Variants in RASGRP3 observed in about 807,000 individuals in gnomAD.
RASGRP3 encodes RAS guanyl releasing protein 3, also known as ras guanyl-releasing protein 3.
A neutral mutation model predicts 82.7 loss-of-function variants in RASGRP3; 54 were observed. That is an observed-to-expected ratio of 0.65 (90% CI 0.52 to 0.82). The LOEUF is 0.82. Ranked by LOEUF, RASGRP3 falls within the 40% of genes least tolerant of loss-of-function variation. RASGRP3 has a pLI of 0.00. For missense variants in RASGRP3, 861 were observed against 828.9 expected (o/e 1.04, Z -0.48); for synonymous variants, 309 against 300.5 (o/e 1.03, Z -0.29).
At position 33,560,055 on chromosome 2, in the gene RASGRP3, G is replaced by T. The variant is rs557793538; in HGVS notation, c.2064+1025G>T. On this transcript the variant is annotated intron_variant, in intron 17 of 17. Coordinates refer to ENST00000403687, the MANE Select transcript of RASGRP3 (RefSeq NM_001139488.2). ...TCTATAACATCCACTTTTAAAAACA[G>T]CTTTGAGATGTAATTCATATGCCAT... 3.9e-5 allele frequency among the ~76,000 whole-genome samples: 6 copies of T among 152,288 alleles called. No homozygotes were observed. The East Asian group carries it at 1.2e-3, about 29-fold the overall frequency.
chr2:33,492,818 A>G (rs1668970002), intron 1 of RASGRP3, among the ~76,000 whole-genome samples: 1 of 152,176 alleles, frequency 6.6e-6, no homozygotes. Flanking sequence ...CCCGTAATGT[A>G]GCTGTGCTCA....
At chr2:33,534,223 G>C (rs1286387656) in intron 10 of RASGRP3, 100 bp from the exon 11 acceptor site, 2 of 745,010 alleles carry the variant, frequency 2.7e-6, no homozygotes, top group Admixed American at 4.5e-5. Context: ...CAAATTATTA[G>C]ACAGTGAACT....
At chr2:33,533,062 A>T (rs1467730160) in intron 10 of RASGRP3, 1 of 152,206 alleles carries the variant, frequency 6.6e-6, no homozygotes, top group Admixed American at 6.5e-5. Flanking sequence ...AAAACTTTTC[A>T]TTCCTACATG....
chr2:33,440,985 A>G (rs1574210320), intron 1 of RASGRP3, among the ~76,000 whole-genome samples: 1 of 152,082 alleles, frequency 6.6e-6, no homozygotes, highest in Non-Finnish European at 1.5e-5. Context: ...CTCCACCTCC[A>G]GGGCTCAAGT....
chr2:33,548,381 A>AAAAAAAAAAAAAAG (rs764069871), intron 13 of RASGRP3, among the ~76,000 whole-genome samples: 1 of 127,958 alleles, frequency 7.8e-6, no homozygotes, highest in Non-Finnish European at 1.6e-5. Context: ...AAAAAAAAAA[A>AAAAAAAAAAAAAAG]AAGAAGGTAG....
intron 10 of RASGRP3, among the ~76,000 whole-genome samples, chr2:33,531,189 A>T (rs1673077954): frequency 6.6e-6 from 1 of 152,244 alleles, no homozygotes; most frequent in Admixed American, 6.5e-5. Flanking sequence ...TGAATCTGCA[A>T]CCAACTTTGC....
At chr2:33,558,054 C>T (rs1676203474) in intron 15 of RASGRP3, among the ~76,000 whole-genome samples, 157 bp from the exon 16 acceptor site, 1 of 152,036 alleles carries the variant, frequency 6.6e-6, no homozygotes, top group Admixed American at 6.6e-5. Context: ...GGCCTCTTTC[C>T]AGATCCTAGA....
chr2:33,530,833 G>A (rs1300948339), intron 10 of RASGRP3: 1 of 119,038 alleles, frequency 8.4e-6, no homozygotes, highest in Non-Finnish European at 1.7e-5. Context: ...CCACCAAACT[G>A]TTGGGATTTG....
chr2:33,471,250 A>C (rs1667043769), intron 2 of RASGRP3, among the ~76,000 whole-genome samples: 1 of 151,590 alleles, frequency 6.6e-6, no homozygotes, highest in African/African-American at 2.4e-5. Flanking sequence ...ATCATACCTT[A>C]CTGCAGCTTT....
At chr2:33,476,647 G>A (rs914694089), upstream of RASGRP3, 1 of 152,170 alleles carries the variant, frequency 6.6e-6, no homozygotes, top group African/African-American at 2.4e-5. Context: ...GCGTGCTCCG[G>A]CACTTGGCAG....
At chr2:33,547,342 C>CTTTTTTTTTTTTTTTTTTTT (rs59601670) in intron 13 of RASGRP3, among the ~76,000 whole-genome samples, 1 of 68,208 alleles carries the variant, frequency 1.5e-5, no homozygotes, top group African/African-American at 5.8e-5. Context: ...ATATAGAATC[C>CTTTTTTTTTTTTTTTTTTTT]TTTTTTTTTT....
At chr2:33,550,857 T>A (rs1675289886) in intron 14 of RASGRP3, among the ~76,000 whole-genome samples, 1 of 152,110 alleles carries the variant, frequency 6.6e-6, no homozygotes, top group Non-Finnish European at 1.5e-5. Context: ...AATGGGTAAA[T>A]AAGAGGCAGC....
chr2:33,466,200 A>C (rs1666684828), intron 2 of RASGRP3, among the ~76,000 whole-genome samples: 1 of 152,224 alleles, frequency 6.6e-6, no homozygotes, highest in Non-Finnish European at 1.5e-5. Flanking sequence ...GATTCATCTG[A>C]TGGATGTGAC....
intron 2 of RASGRP3, among the ~76,000 whole-genome samples, chr2:33,470,222 TAA>T (rs1281340546): frequency 6.6e-6 from 1 of 152,172 alleles, no homozygotes; most frequent in Non-Finnish European, 1.5e-5. Flanking sequence ...TTTACAATGT[TAA>T]GTTTTCCAGT....
In RASGRP3 at chr2:33,506,937, T is replaced by C. The variant is rs182715745; in HGVS notation, c.-260-4773T>C. On this transcript the variant is annotated intron_variant, in intron 1 of 17. Transcript: ENST00000403687. The stretch of plus-strand genomic sequence containing the variant: ...TTTGTGATAGAAACAAGTTTGACAG[T>C]GATGACAGTATGACTTTGGTGGAGC... 2.7e-3 allele frequency among the ~76,000 whole-genome samples: 416 copies of C among 152,232 alleles called. 2 individuals are homozygous for C. The highest frequency in any genetic ancestry group is 0.014 in the South Asian group (67 of 4,816).
chr2:33,503,650 C>T (rs1670085958), intron 1 of RASGRP3, among the ~76,000 whole-genome samples: 2 of 151,996 alleles, frequency 1.3e-5, no homozygotes, highest in Admixed American at 6.6e-5. Flanking sequence ...AGTCTAGCTC[C>T]AAATCCCTGA....
chr2:33,472,313 C>G (rs1417544355), upstream of RASGRP3, among the ~76,000 whole-genome samples: 1 of 152,160 alleles, frequency 6.6e-6, no homozygotes, highest in Non-Finnish European at 1.5e-5. Context: ...GCGAAATGTA[C>G]AAAAGCAGCA....
At chr2:33,457,236 T>G (rs1666089786) in intron 2 of RASGRP3, among the ~76,000 whole-genome samples, 1 of 152,194 alleles carries the variant, frequency 6.6e-6, no homozygotes, top group African/African-American at 2.4e-5. Context: ...TTTTTAATTA[T>G]AGACATAATC....
At chr2:33,464,409 C>T (rs1355187584) in intron 2 of RASGRP3, among the ~76,000 whole-genome samples, 3 of 150,770 alleles carry the variant, frequency 2.0e-5, no homozygotes, top group Non-Finnish European at 2.9e-5. Context: ...TGTGAACCAC[C>T]GTGCCTGGTC....
Sources: allele counts gnomAD v4.1 joint callset (sites outside exome capture counted in the v4.1 genomes callset), GRCh38; gene constraint gnomAD v4.1.1; transcripts MANE v1.5; gene names NCBI Gene and HGNC (gene_info 2026-07-23, HGNC 2026-07-21).